NFIB: variants seen among roughly 807,000 people sequenced by gnomAD.
NFIB encodes the protein nuclear factor 1 B-type.
NFIB carries 11 observed loss-of-function variants against 61.5 expected under a neutral mutation model. The observed-to-expected ratio is 0.18, with a 90% CI of 0.11 to 0.30. The LOEUF is 0.30. Ranked by LOEUF, NFIB falls within the 10% of genes least tolerant of loss-of-function variation. The pLI is 1.00. For synonymous variants in NFIB, 260 were observed against 216.5 expected, an observed-to-expected ratio of 1.20 and a Z score of -1.76; for missense variants, 471 against 608.9, an observed-to-expected ratio of 0.77 and a Z score of 2.38.
At chr9:14,329,295 C>T (rs921549404) in intron 1 of NFIB, among the ~76,000 whole-genome samples, 2 of 152,092 alleles carry the variant, frequency 1.3e-5, no homozygotes, top group Non-Finnish European at 2.9e-5. Flanking sequence ...ATGTTTTTTT[C>T]AGAGCATGTG....
chr9:14,150,293 G>A, intron 4 of NFIB, 28 bp from the exon 5 acceptor site: 5 of 1,612,586 alleles, frequency 3.1e-6, no homozygotes, highest in Non-Finnish European at 3.4e-6. Context: ...GAAGCACTGG[G>A]AATGACATTC....
intron 2 of NFIB, among the ~76,000 whole-genome samples, chr9:14,280,351 GCA>G (rs146626239): frequency 6.6e-6 from 1 of 151,618 alleles, no homozygotes; most frequent in African/African-American, 2.4e-5. Flanking sequence ...ATGAAAATAC[GCA>G]CACACACACA....
At chr9:14,232,179 T>C (rs1244429455) in intron 2 of NFIB, among the ~76,000 whole-genome samples, 1 of 152,198 alleles carries the variant, frequency 6.6e-6, no homozygotes, top group East Asian at 1.9e-4. Flanking sequence ...GGTTCATGGA[T>C]GTTAGGAAGA....
At chr9:14,397,030 CT>C (rs2061693969) in intron 1 of NFIB, among the ~76,000 whole-genome samples, 1 of 152,164 alleles carries the variant, frequency 6.6e-6, no homozygotes, top group African/African-American at 2.4e-5. Context: ...GAAGCTCTTC[CT>C]TTCAGTTCTG....
At chr9:14,220,019 A>G (rs114578576) in intron 2 of NFIB, among the ~76,000 whole-genome samples, 2,096 of 152,290 alleles carry the variant, frequency 0.014, 48 homozygotes, top group African/African-American at 0.046. Flanking sequence ...TCAAAGCAAC[A>G]GGCCCTCGTC....
At chr9:14,391,581 C>G (rs993468960) in intron 1 of NFIB, among the ~76,000 whole-genome samples, 9 of 152,012 alleles carry the variant, frequency 5.9e-5, no homozygotes, top group Non-Finnish European at 1.3e-4. Context: ...TGACTTTTCT[C>G]CAGGAACCAT....
chr9:14,137,162 T>C (rs2041148549), intron 6 of NFIB, among the ~76,000 whole-genome samples: 1 of 152,162 alleles, frequency 6.6e-6, no homozygotes, highest in African/African-American at 2.4e-5. Flanking sequence ...TTAGAGAAAA[T>C]AAATGTTGCT....
intron 2 of NFIB, among the ~76,000 whole-genome samples, chr9:14,189,080 T>C (rs1041708350): frequency 1.3e-5 from 2 of 152,240 alleles, no homozygotes; most frequent in East Asian, 1.9e-4. Flanking sequence ...ACAGCATTTA[T>C]GTTACTACCT....
At chr9:14,222,601 G>A (rs1193345784) in intron 2 of NFIB, among the ~76,000 whole-genome samples, 1 of 151,844 alleles carries the variant, frequency 6.6e-6, no homozygotes, top group African/African-American at 2.4e-5. Context: ...CTAGGAGTTC[G>A]AGACCAGCCT....
chr9:14,462,044 T>G, the NFIB span, among the ~76,000 whole-genome samples: 1 of 152,140 alleles, frequency 6.6e-6, no homozygotes, highest in East Asian at 1.9e-4. Context: ...CTGGGCAGAG[T>G]GTCCTAACAC....
chr9:14,269,897 A>T (rs576424789), intron 2 of NFIB, among the ~76,000 whole-genome samples: 2 of 152,306 alleles, frequency 1.3e-5, no homozygotes, highest in South Asian at 4.1e-4. Flanking sequence ...TCTGAAAACT[A>T]CAGAGCGGCA....
the NFIB span, among the ~76,000 whole-genome samples, chr9:14,404,417 C>A: frequency 1.3e-5 from 2 of 152,190 alleles, no homozygotes; most frequent in African/African-American, 2.4e-5. Flanking sequence ...GGATAGGAAT[C>A]AAGACCACAT....
chr9:14,407,436 C>T, the NFIB span, among the ~76,000 whole-genome samples: 1 of 152,114 alleles, frequency 6.6e-6, no homozygotes, highest in Non-Finnish European at 1.5e-5. Flanking sequence ...GAGAGAAAGT[C>T]TGTGGTGTTA....
chr9:14,260,071 A>G (rs2056605773), intron 2 of NFIB, among the ~76,000 whole-genome samples: 1 of 152,194 alleles, frequency 6.6e-6, no homozygotes, highest in Admixed American at 6.5e-5. Flanking sequence ...TTTTATTAAC[A>G]GGTGCCAAGT....
At chr9:14,244,288 G>A (rs1361209470) in intron 2 of NFIB, among the ~76,000 whole-genome samples, 9 of 152,096 alleles carry the variant, frequency 5.9e-5, no homozygotes, top group Admixed American at 3.3e-4. Flanking sequence ...AATTTGTAGA[G>A]GAAATGATAG....
chr9:14,157,324 T>A (rs539129988), intron 3 of NFIB, among the ~76,000 whole-genome samples: 10 of 152,194 alleles, frequency 6.6e-5, no homozygotes, highest in African/African-American at 2.4e-4. Context: ...ATACATAGCA[T>A]GAAAAGACAG....
At chr9:14,454,312 T>C in the NFIB span, among the ~76,000 whole-genome samples, 1 of 152,228 alleles carries the variant, frequency 6.6e-6, no homozygotes, top group Non-Finnish European at 1.5e-5. Context: ...CTGAGAAGAT[T>C]ATGTTGCTAT....
At chr9:14,217,842 TGA>T (rs1288827206) in intron 2 of NFIB, among the ~76,000 whole-genome samples, 1 of 152,048 alleles carries the variant, frequency 6.6e-6, no homozygotes, top group Admixed American at 6.6e-5. Context: ...CCAAAAGACA[TGA>T]GAACACTTAC....
intron 2 of NFIB, among the ~76,000 whole-genome samples, chr9:14,243,418 G>A (rs2132057795): frequency 6.6e-6 from 1 of 152,240 alleles, no homozygotes; most frequent in South Asian, 2.1e-4. Flanking sequence ...AAATAAATCA[G>A]GTGGGCTGTC....
Sources: gnomAD v4.1 joint callset for allele counts (sites outside exome capture counted in the v4.1 genomes callset) on GRCh38, gnomAD v4.1.1 for gene constraint, MANE v1.5 for transcripts, NCBI Gene and HGNC (gene_info 2026-07-23, HGNC 2026-07-21) for gene names.